TNFSF8: variants seen among roughly 807,000 people sequenced by gnomAD.
TNFSF8 encodes the protein TNF superfamily member 8, also known as tumor necrosis factor ligand superfamily member 8.
TNFSF8 carries 4 observed loss-of-function variants against 22.0 expected under a neutral mutation model. The observed-to-expected ratio is 0.18, with a 90% confidence interval of 0.09 to 0.42. The LOEUF (loss-of-function observed/expected upper bound fraction) is 0.42. Ranked by LOEUF, TNFSF8 falls within the 10% of genes least tolerant of loss-of-function variation. The probability of loss-of-function intolerance (pLI) is 1.00; values close to 1 mark genes in which losing one functional copy is unlikely to be tolerated. For synonymous variants in TNFSF8, 106 were observed against 112.5 expected (o/e 0.94, Z 0.37); for missense variants, 233 against 281.8 (o/e 0.83, Z 1.24).
At chr9:114,923,871 G>C (rs1457123887) in intron 1 of TNFSF8, among the ~76,000 whole-genome samples, 1 of 152,114 alleles carries the variant, frequency 6.6e-6, no homozygotes, top group Non-Finnish European at 1.5e-5. Flanking sequence ...ATAGTTGGTG[G>C]TCACCGCTTT....
At chr9:114,900,398 A>C (rs962765319), downstream of TNFSF8, among the ~76,000 whole-genome samples, 5 of 152,244 alleles carry the variant, frequency 3.3e-5, no homozygotes, top group Admixed American at 3.3e-4. Context: ...AGCAGGGAGC[A>C]GACACTTGCG....
intron 2 of TNFSF8, among the ~76,000 whole-genome samples, chr9:114,912,095 C>T (rs143684357): frequency 4.6e-5 from 7 of 152,304 alleles, no homozygotes; most frequent in African/African-American, 1.2e-4. Flanking sequence ...TCAAATTCCA[C>T]GTCTGCCATT....
At chr9:114,917,073 C>A (rs1299288256) in intron 2 of TNFSF8, among the ~76,000 whole-genome samples, 1 of 152,172 alleles carries the variant, frequency 6.6e-6, no homozygotes, top group Non-Finnish European at 1.5e-5. Flanking sequence ...GGGTGATAAA[C>A]CACAGGAAAG....
At chr9:114,895,321 C>T (rs1324708292) in intron 4 of TNFSF8, among the ~76,000 whole-genome samples, 2 of 152,184 alleles carry the variant, frequency 1.3e-5, no homozygotes, top group African/African-American at 4.8e-5. Flanking sequence ...TGTTCATTTG[C>T]AGTGCAATCA....
At chr9:114,898,782 G>A (rs1319580305), downstream of TNFSF8, among the ~76,000 whole-genome samples, 1 of 152,178 alleles carries the variant, frequency 6.6e-6, no homozygotes, top group African/African-American at 2.4e-5. Context: ...TTGTAGAATT[G>A]TCAGGAGGTC....
chr9:114,922,832 G>A (rs1211515430), intron 1 of TNFSF8, among the ~76,000 whole-genome samples: 4 of 152,122 alleles, frequency 2.6e-5, no homozygotes, highest in African/African-American at 9.7e-5. Flanking sequence ...CCAGCATCGG[G>A]GGATTTTGGT....
At chr9:114,928,206 A>T (rs997402629) in intron 1 of TNFSF8, among the ~76,000 whole-genome samples, 5 of 152,176 alleles carry the variant, frequency 3.3e-5, no homozygotes, top group Non-Finnish European at 5.9e-5. Flanking sequence ...AAGGAAGTGG[A>T]TGCACAAGAA....
chr9:114,928,504 C>T (rs1175171060), intron 1 of TNFSF8, among the ~76,000 whole-genome samples: 1 of 152,194 alleles, frequency 6.6e-6, no homozygotes, highest in Non-Finnish European at 1.5e-5. Flanking sequence ...ATATCACCAT[C>T]GCCACCCATT....
At position 114,930,198 on chromosome 9, in the gene TNFSF8, G is replaced by T; in HGVS notation, c.106C>A (p.Arg36Ser). 1.2e-6 allele frequency: 2 copies of T among 1,605,914 alleles called. No homozygotes were observed. Among genetic ancestry groups the T allele is most frequent in the South Asian group, 1.1e-5 (1 of 90,116 alleles). The change falls in exon 1 of 4, where the codon CGC becomes AGC. Residue 36 changes from arginine (R) to serine (S), a missense_variant. Arg to Ser is a moderately radical substitution (Grantham distance 110). Transcript: ENST00000223795. ...GCTGTGGTCAAATAGAAATAGCTGC[G>T]GCTCGTGGTCCCCAGGTGGCTGGCC... ...SVASHLGTTSRSYFYLTTATL... is the reference protein window; with the variant it reads ...SVASHLGTTSSSYFYLTTATL...
At chr9:114,913,885 C>G (rs1426626734) in intron 2 of TNFSF8, among the ~76,000 whole-genome samples, 2 of 152,248 alleles carry the variant, frequency 1.3e-5, no homozygotes, top group Non-Finnish European at 2.9e-5. Flanking sequence ...ATTATTCTCA[C>G]TCTGCCGTGG....
chr9:114,893,942 T>C, exon 5 of TNFSF8: 1 of 680,804 alleles, frequency 1.5e-6, no homozygotes, highest in Admixed American at 2.3e-5. Context: ...ATTCTGTTTG[T>C]GGGGGGTGAA....
downstream of TNFSF8, among the ~76,000 whole-genome samples, chr9:114,896,181 G>A (rs989725873): frequency 6.6e-6 from 1 of 152,168 alleles, no homozygotes; most frequent in Non-Finnish European, 1.5e-5. Flanking sequence ...AGATTGTAAG[G>A]TGCACCTGAA....
intron 2 of TNFSF8, among the ~76,000 whole-genome samples, chr9:114,916,393 C>T (rs1005101793): frequency 6.6e-5 from 10 of 152,108 alleles, no homozygotes; most frequent in South Asian, 2.1e-4. Flanking sequence ...GCTCTTTAGG[C>T]GAGGAAACTG....
Position 114,930,502 on chromosome 9 carries a change from T to G in TNFSF8, c.-199A>C, listed in dbSNP as rs930862970. 1 of 446,790 alleles carries G rather than the reference T, an allele frequency of 2.2e-6. No individual in the cohort carries two copies. Among genetic ancestry groups the G allele is most frequent in the Non-Finnish European group, 4.0e-6 (1 of 253,116 alleles). The allele number at this position is 446,790 out of a possible 1,614,324, so 27.7% of individuals were successfully genotyped here. ...GGCGGCAGCAAGGGTGGGGGAGAGG[T>G]TCATTTTTCATTGCCAGGGATTAAG... is the stretch of plus-strand genomic sequence containing the variant. On this transcript the variant is annotated 5_prime_UTR_variant, in exon 1 of 4. Transcript: ENST00000223795.
chr9:114,903,691 G>A lies in TNFSF8; in HGVS notation c.*240C>T. 1 of 1,228,082 alleles carries A rather than the reference G, an allele frequency of 8.1e-7. No homozygotes were observed. The highest frequency in any genetic ancestry group is 2.8e-5 in the South Asian group (1 of 35,914). The allele number at this position is 1,228,082 out of a possible 1,614,324, so 76.1% of individuals were successfully genotyped here. On this transcript the variant is annotated 3_prime_UTR_variant, in exon 4 of 4. Coordinates refer to ENST00000223795, the MANE Select transcript of TNFSF8 (RefSeq NM_001244.4). ...ATCCATTCATCCCTTCTGATTCTGT[G>A]TGGGGCTCTGCCCACCACACTACAT...
downstream of TNFSF8, among the ~76,000 whole-genome samples, chr9:114,898,400 T>C (rs1827679618): frequency 6.6e-6 from 1 of 152,304 alleles, no homozygotes; most frequent in South Asian, 2.1e-4. Context: ...ATTATCACTA[T>C]CAATTCCAAG....
Position 114,902,862 on chromosome 9 carries a change from G to A in TNFSF8, c.*1069C>T, listed in dbSNP as rs1415729087. 3.0e-6 allele frequency: 2 copies of A among 671,190 alleles called. No individual in the cohort carries two copies. The highest frequency in any genetic ancestry group is 3.7e-6 in the Non-Finnish European group (2 of 543,138). 41.6% of individuals were successfully genotyped at this position (671,190 alleles called of 1,614,324 possible). On this transcript the variant is annotated 3_prime_UTR_variant, in exon 4 of 4. Coordinates refer to ENST00000223795, the MANE Select transcript of TNFSF8 (RefSeq NM_001244.4). Reference sequence around the variant, plus strand: ...GTATAGTGAATTCTTATAATTTTATGTTGCCTTGGCAACCATTTTGTATAC... The same window carrying A: ...GTATAGTGAATTCTTATAATTTTATATTGCCTTGGCAACCATTTTGTATAC...
rs923574662 is a variant in TNFSF8 at position 114,915,031 on chromosome 9, G to A, written c.238+3065C>T. On this transcript the variant is annotated intron_variant, in intron 2 of 3. Transcript: ENST00000223795. Reference sequence around the variant, plus strand: ...GATTTTCAACAGCCAGTGAAAAAGGGCTCCCTAGAAGGTGTCTAGCTTCTG... The same window carrying A: ...GATTTTCAACAGCCAGTGAAAAAGGACTCCCTAGAAGGTGTCTAGCTTCTG... Among the ~76,000 whole-genome samples the A allele has an allele frequency of 1.3e-5, 2 of 152,110 alleles. 1 individual carries two copies. The highest frequency in any genetic ancestry group is 4.8e-5 in the African/African-American group (2 of 41,414).
chr9:114,918,177 C>A, intron 1 of TNFSF8, 39 bp from the exon 2 acceptor site: 1 of 1,574,808 alleles, frequency 6.3e-7, no homozygotes, highest in Admixed American at 1.9e-5. Context: ...TGAGGTGTGA[C>A]ATTCAGTTGA....
Sources: gnomAD v4.1 joint callset for allele counts (sites outside exome capture counted in the v4.1 genomes callset) on GRCh38, gnomAD v4.1.1 for gene constraint, MANE v1.5 for transcripts, NCBI Gene and HGNC (gene_info 2026-07-23, HGNC 2026-07-21) for gene names.